CMTM1: variants seen among roughly 807,000 people sequenced by gnomAD.
CMTM1 encodes the protein CKLF-like MARVEL transmembrane domain-containing protein 1.
CMTM1 carries 16 observed loss-of-function variants against 17.8 expected under a neutral mutation model. That is an observed-to-expected ratio of 0.90 (90% CI 0.61 to 1.37). The LOEUF (loss-of-function observed/expected upper bound fraction) is 1.37, where lower values mean the gene tolerates loss of function less well. Among genes scored for constraint, CMTM1 ranks in the 40% most tolerant of loss-of-function variants. The pLI, the probability that CMTM1 is intolerant of heterozygous loss-of-function variation, is 0.00. For synonymous variants in CMTM1, 169 were observed against 154.6 expected, an observed-to-expected ratio of 1.09 and a Z score of -0.69; for missense variants, 354 against 375.6, an observed-to-expected ratio of 0.94 and a Z score of 0.47.
intron 3 of CMTM1, among the ~76,000 whole-genome samples, chr16:66,578,329 C>G (rs1457639848): frequency 6.6e-6 from 1 of 152,160 alleles, no homozygotes; most frequent in African/African-American, 2.4e-5. Context: ...CACACCTGAC[C>G]TCCTGATAGA....
chr16:66,578,801 C>G (rs1046868673), intron 3 of CMTM1, 30 bp from the exon 4 acceptor site: 1 of 1,607,616 alleles, frequency 6.2e-7, no homozygotes, highest in Admixed American at 1.7e-5. Context: ...CCCCGTCTTT[C>G]CTTCCCGCAT....
At chr16:66,567,154 CT>C (rs58132277) in intron 1 of CMTM1, 146,693 of 506,796 alleles carry the variant, frequency 0.29, 1,356 homozygotes, top group South Asian at 0.3. Flanking sequence ...CCTATTTTTT[CT>C]TTTTTTTTTT....
chr16:66,570,244 G>A lies in CMTM1; in HGVS notation c.591+150G>A, dbSNP rs1296748454. Reference sequence around the variant, plus strand: ...TTAGGGTGTTGCCCTGGTCCAGAAGGATTCCTTGAACCCTTGTGCCTGCAG... The same window carrying A: ...TTAGGGTGTTGCCCTGGTCCAGAAGAATTCCTTGAACCCTTGTGCCTGCAG... On this transcript the variant is annotated intron_variant, in intron 2 of 3. Transcript: ENST00000379500. The A allele has an allele frequency of 1.1e-5, 7 of 632,892 alleles. No homozygotes were observed. In the East Asian group the frequency reaches 1.4e-4, roughly 13 times the overall value. 39.2% of individuals were successfully genotyped at this position (632,892 alleles called of 1,614,324 possible). A position where few individuals can be genotyped will look rare whatever the true frequency, so the allele number is the denominator to read the frequency against.
rs1339246042 is a variant in CMTM1, at chr16:66,578,905, G to A, written c.765G>A (p.Leu255=). The A allele has an allele frequency of 1.1e-5, 17 of 1,614,098 alleles. No individual in the cohort carries two copies. Among genetic ancestry groups the A allele is most frequent in the Middle Eastern group, 1.6e-4 (1 of 6,084 alleles). ...TCACCACGAAGATGAGGACCAACTT[G>A]AAAAGATTCCTGGGAGTCGAAGTTG... is the stretch of plus-strand genomic sequence containing the variant. The part of the protein sequence containing the change: ...FVVTTKMRTN[L]KRFLGVEVER... Residue 255 remains leucine (L), a synonymous_variant, in exon 4 of 4, where the codon TTG becomes TTA. Transcript: ENST00000379500.
Position 66,566,944 on chromosome 16 carries a change from T to G in CMTM1, c.431T>G (p.Leu144Arg), listed in dbSNP as rs200116339. ...ACTGGAATGTTGAAGATCCTGAGAC[T>G]GGTGAGCGGAGAGCTGGTGAGACCT... ...SPTGMLKILR[L>R]SLILGALACF... Residue 144 changes from leucine (L) to arginine (R), a missense_variant and splice_region_variant, in exon 1 of 4, where the codon CTG (leucine) becomes CGG (arginine). Transcript: ENST00000379500. The surrounding 1 kb of genome is among the most constrained non-coding windows in gnomAD (Gnocchi z 4.9). The G allele has an allele frequency of 2.5e-6, 4 of 1,614,142 alleles. No homozygotes were observed.
chr16:66,573,704 T>G (rs920194221), intron 2 of CMTM1, among the ~76,000 whole-genome samples: 5 of 148,746 alleles, frequency 3.4e-5, no homozygotes, highest in African/African-American at 1.2e-4. Flanking sequence ...TTTTTTTTTT[T>G]GAGATGGAGT....
chr16:66,567,024 C>G, intron 1 of CMTM1, 79 bp downstream of exon 1: 4 of 1,434,926 alleles, frequency 2.8e-6, no homozygotes, highest in Non-Finnish European at 3.9e-6. Context: ...GGGGTGCCAG[C>G]TCCAGAAACC....
intron 2 of CMTM1, among the ~76,000 whole-genome samples, chr16:66,574,014 G>GTT (rs149161047): frequency 7.1e-5 from 10 of 140,788 alleles, no homozygotes; most frequent in African/African-American, 2.6e-4. Context: ...AATATTCAGT[G>GTT]TTTTTTTTTT....
At chr16:66,574,804 C>T (rs146348726) in intron 2 of CMTM1, 25 of 217,878 alleles carry the variant, frequency 1.1e-4, no homozygotes, top group Admixed American at 2.6e-4. Flanking sequence ...AACTGAGCTC[C>T]GGTTATATAG....
At chr16:66,567,305 C>T (rs970334046) in intron 1 of CMTM1, 5 of 354,850 alleles carry the variant, frequency 1.4e-5, no homozygotes, top group African/African-American at 2.1e-5. Flanking sequence ...TATCCCTCCC[C>T]TAGTCCCCCA....
At chr16:66,568,668 C>A (rs1168478354) in intron 1 of CMTM1, among the ~76,000 whole-genome samples, 1 of 152,086 alleles carries the variant, frequency 6.6e-6, no homozygotes, top group East Asian at 1.9e-4. Flanking sequence ...AGGCAGATAA[C>A]CTCAGTCAGG....
At chr16:66,571,647 C>T (rs2013556525) in intron 2 of CMTM1, among the ~76,000 whole-genome samples, 1 of 152,188 alleles carries the variant, frequency 6.6e-6, no homozygotes, top group African/African-American at 2.4e-5. Context: ...TCATGCTTTT[C>T]TTAAAATACA....
intron 1 of CMTM1, among the ~76,000 whole-genome samples, chr16:66,568,152 G>A (rs1235516221): frequency 1.3e-5 from 2 of 152,168 alleles, no homozygotes; most frequent in Admixed American, 6.5e-5. Context: ...AGAAAACGAA[G>A]TAGAGATCTC....
rs1231561560 is a variant in CMTM1, at chr16:66,574,015, T to G, written c.592-3089T>G. On this transcript the variant is annotated intron_variant, in intron 2 of 3. Coordinates refer to ENST00000379500, the MANE Select transcript of CMTM1 (RefSeq NM_052999.4). The stretch of plus-strand genomic sequence containing the variant: ...TTAACTTTTTTCCTAATATTCAGTG[T>G]TTTTTTTTTTTAATAATAAGCACTC... Among the ~76,000 whole-genome samples the G allele has an allele frequency of 2.1e-5, 3 of 141,664 alleles. No individual in the cohort carries two copies. The Admixed American group carries it at 2.1e-4, about 10-fold the overall frequency. The allele number at this position is 141,664 out of a possible 152,430, so 92.9% of individuals were successfully genotyped here.
chr16:66,573,348 T>C (rs1303720067), intron 2 of CMTM1, among the ~76,000 whole-genome samples: 1 of 152,222 alleles, frequency 6.6e-6, no homozygotes, highest in Non-Finnish European at 1.5e-5. Context: ...TCTTCATTTT[T>C]AGGTTTACCA....
rs767147053 is a variant in CMTM1, at chr16:66,577,179, AG to A, written c.669del (p.Arg223SerfsTer15). On this transcript the variant is annotated frameshift_variant, in exon 3 of 4. Transcript: ENST00000379500. LOFTEE classifies it low-confidence loss of function (END_TRUNC). ...AILAMQEKKR[R>X]HLLYVGGSLC... is the part of the protein sequence containing the mutation. ...CTTGGCCATGCAAGAAAAGAAAAGAAGGCATTTACTCTATGTCGGGGGGGTA... is the reference window on the plus strand; with the variant it reads ...CTTGGCCATGCAAGAAAAGAAAAGAAGCATTTACTCTATGTCGGGGGGGTA... 1 of 1,614,012 alleles carries A rather than the reference AG, an allele frequency of 6.2e-7. No homozygotes were observed. The highest frequency in any genetic ancestry group is 8.5e-7 in the Non-Finnish European group (1 of 1,179,962).
intron 2 of CMTM1, among the ~76,000 whole-genome samples, chr16:66,574,050 G>A (rs887086914): frequency 6.6e-6 from 1 of 151,640 alleles, no homozygotes; most frequent in East Asian, 1.9e-4. Context: ...CACCATTAAG[G>A]CATCTTTCTC....
At chr16:66,571,304 C>T (rs2013496359) in intron 2 of CMTM1, 1 of 400,014 alleles carries the variant, frequency 2.5e-6, no homozygotes, top group African/African-American at 2.1e-5. Context: ...ATACCATGTG[C>T]CAGATACTTT....
chr16:66,575,120 T>G, intron 2 of CMTM1: 2 of 985,446 alleles, frequency 2.0e-6, no homozygotes, highest in Non-Finnish European at 2.4e-6. Flanking sequence ...TAGGCATTAG[T>G]GCCTTTCCAA....
Sources: gnomAD v4.1 joint callset for allele counts (sites outside exome capture counted in the v4.1 genomes callset) on GRCh38, gnomAD v4.1.1 for gene constraint, Gnocchi (gnomAD v3.1) non-coding constraint, MANE v1.5 for transcripts, NCBI Gene and HGNC (gene_info 2026-07-23, HGNC 2026-07-21) for gene names.